Variants in DBF4 observed in about 807,000 individuals in gnomAD.
DBF4 encodes DBF4-CDC7 kinase regulatory subunit.
Under a neutral mutation model 76.6 loss-of-function variants are expected in DBF4, and 25 were observed. The ratio of observed to expected loss-of-function variants is 0.33; its 90% CI spans 0.24 to 0.46. The LOEUF is 0.46. Among genes scored for constraint, DBF4 ranks in the 20% least tolerant of loss-of-function variants. The pLI, the probability that DBF4 is intolerant of heterozygous loss-of-function variation, is 1.00. For missense variants in DBF4, 638 were observed against 760.8 expected (o/e 0.84, Z 1.90); for synonymous variants, 213 against 258.0 (o/e 0.83, Z 1.67).
chr7:87,878,834 A>AT (rs1016329768), intron 2 of DBF4, among the ~76,000 whole-genome samples: 1 of 152,100 alleles, frequency 6.6e-6, no homozygotes, highest in Non-Finnish European at 1.5e-5. Context: ...GGTAATTAAG[A>AT]TTTTTTTCTG....
At chr7:87,886,273 C>T (rs941188912) in intron 3 of DBF4, among the ~76,000 whole-genome samples, 12 of 152,214 alleles carry the variant, frequency 7.9e-5, no homozygotes, top group African/African-American at 2.2e-4. Flanking sequence ...TGGCTCACGC[C>T]TGTAATCCCA....
At chr7:87,894,423 G>A (rs1839575759) in intron 6 of DBF4, among the ~76,000 whole-genome samples, 2 of 152,076 alleles carry the variant, frequency 1.3e-5, no homozygotes, top group African/African-American at 4.8e-5. Context: ...TCATGCCACT[G>A]CTTGCGACAG....
At chr7:87,895,107 T>G (rs528977093) in intron 6 of DBF4, among the ~76,000 whole-genome samples, 79 of 152,340 alleles carry the variant, frequency 5.2e-4, no homozygotes, top group African/African-American at 1.9e-3. Flanking sequence ...TCTATTCATT[T>G]GTCTTGAAGT....
Position 87,900,258 on chromosome 7 carries a change from C to G in DBF4, c.718C>G (p.Pro240Ala). The G allele has an allele frequency of 1.2e-6, 2 of 1,601,386 alleles. No homozygotes were observed. Among genetic ancestry groups the G allele is most frequent in the East Asian group, 2.2e-5 (1 of 44,460 alleles). Reference sequence around the variant, plus strand: ...ATTTTATCTTCAGCTGACCAATATGCCTTTTATAAATTATTCTATTCAGAA... The same window carrying G: ...ATTTTATCTTCAGCTGACCAATATGGCTTTTATAAATTATTCTATTCAGAA... ...RPFYLQLTNM[P>A]FINYSIQKPC... is the part of the protein sequence containing the mutation. The change falls in exon 9 of 12, where the codon CCT becomes GCT. Residue 240 changes from proline to alanine, a missense_variant. Coordinates refer to ENST00000265728, the MANE Select transcript of DBF4 (RefSeq NM_006716.4).
rs1839945585 is a variant in DBF4 at position 87,907,742 on chromosome 7, CAAT to C, written c.1607_1609del (p.Ile536del). ...TTTACTCATGATTCTGGTCTGATAA[CAAT>C]AAACAGTTCACAAGAGCACCTAACT... is the stretch of plus-strand genomic sequence containing the variant. On this transcript the variant is annotated inframe_deletion, in exon 12 of 12. Coordinates refer to ENST00000265728, the MANE Select transcript of DBF4 (RefSeq NM_006716.4). 8 of 1,613,932 alleles carry C rather than the reference CAAT, an allele frequency of 5.0e-6. No homozygotes were observed. The highest frequency in any genetic ancestry group is 6.8e-6 in the Non-Finnish European group (8 of 1,179,964).
chr7:87,887,997 A>G lies in DBF4; in HGVS notation c.535A>G (p.Ile179Val), dbSNP rs1839401220. ...ILHIDDIRYY[I>V]EQKKKELYLL... is the part of the protein sequence containing the mutation. ...TTTTAATAAAGACATTAGATACTACATTGAACAAAAGAAAAAAGAGTTGTA... is the reference window on the plus strand; with the variant it reads ...TTTTAATAAAGACATTAGATACTACGTTGAACAAAAGAAAAAAGAGTTGTA... The change falls in exon 6 of 12, where the codon ATT becomes GTT. Residue 179 changes from isoleucine to valine, a missense_variant. By Grantham distance (29) the Ile-to-Val change is conservative (BLOSUM62 3). Transcript: ENST00000265728. 6.4e-7 allele frequency: 1 copy of G among 1,559,568 alleles called. No homozygotes were observed. Among genetic ancestry groups the G allele is most frequent in the Non-Finnish European group, 8.7e-7 (1 of 1,153,844 alleles).
At chr7:87,889,277 ATTT>A (rs35766740) in intron 6 of DBF4, among the ~76,000 whole-genome samples, 10 of 139,712 alleles carry the variant, frequency 7.2e-5, no homozygotes, top group Admixed American at 2.2e-4. Flanking sequence ...CTCTTGAACA[ATTT>A]TTTTTTTTTT....
chr7:87,895,487 T>G (rs2131063363), intron 6 of DBF4, among the ~76,000 whole-genome samples: 2 of 152,268 alleles, frequency 1.3e-5, no homozygotes, highest in South Asian at 4.1e-4. Flanking sequence ...TGATTTTGTT[T>G]CTGCCATTGT....
At chr7:87,891,626 C>A (rs1333013564) in intron 6 of DBF4, among the ~76,000 whole-genome samples, 1 of 152,076 alleles carries the variant, frequency 6.6e-6, no homozygotes, top group Non-Finnish European at 1.5e-5. Flanking sequence ...GTAATAATGT[C>A]CCCTCTTCCA....
intron 6 of DBF4, among the ~76,000 whole-genome samples, chr7:87,889,895 C>T (rs1839443893): frequency 6.6e-6 from 1 of 152,170 alleles, no homozygotes; most frequent in African/African-American, 2.4e-5. Flanking sequence ...ATTTAAATGA[C>T]TATTTCCAAA....
At chr7:87,894,972 C>A (rs913041287) in intron 6 of DBF4, among the ~76,000 whole-genome samples, 4 of 152,162 alleles carry the variant, frequency 2.6e-5, no homozygotes, top group African/African-American at 9.7e-5. Flanking sequence ...AGTCTCTCCC[C>A]TCTTTTTCCA....
At chr7:87,878,834 A>T (rs1554324240) in intron 2 of DBF4, among the ~76,000 whole-genome samples, 2 of 152,100 alleles carry the variant, frequency 1.3e-5, no homozygotes, top group Non-Finnish European at 2.9e-5. Context: ...GGTAATTAAG[A>T]TTTTTTTCTG....
chr7:87,877,986 TAATGA>T, intron 1 of DBF4, 62 bp from the exon 2 acceptor site: 1 of 1,201,326 alleles, frequency 8.3e-7, no homozygotes, highest in African/African-American at 1.6e-5. Context: ...TAATATTGTA[TAATGA>T]AATATTTTAA....
intron 2 of DBF4, among the ~76,000 whole-genome samples, chr7:87,884,176 G>A (rs1839286374): frequency 6.6e-6 from 1 of 152,104 alleles, no homozygotes; most frequent in South Asian, 2.1e-4. Flanking sequence ...GTCTGCTATG[G>A]TAACCATTAG....
In DBF4 at chr7:87,907,771, G is replaced by C. The variant is rs1287531668; in HGVS notation, c.1633G>C (p.Val545Leu). 3 of 1,614,066 alleles carry C rather than the reference G, an allele frequency of 1.9e-6. No individual in the cohort carries two copies. Among genetic ancestry groups the C allele is most frequent in the Admixed American group, 1.7e-5 (1 of 60,024 alleles). Residue 545 changes from valine (V) to leucine (L), a missense_variant, in exon 12 of 12, where the codon GTT becomes CTT. Transcript: ENST00000265728. ...AAACAGTTCACAAGAGCACCTAACTGTTCAGGCAAAGGCTCCATTCCATAC... is the reference window on the plus strand; with the variant it reads ...AAACAGTTCACAAGAGCACCTAACTCTTCAGGCAAAGGCTCCATTCCATAC... ...TINSSQEHLT[V>L]QAKAPFHTPP...
chr7:87,888,354 A>G (rs1839412398), intron 6 of DBF4: 6 of 970,236 alleles, frequency 6.2e-6, no homozygotes, highest in Non-Finnish European at 7.3e-6. Context: ...AGCCTGTTGT[A>G]TAAACGTTCC....
chr7:87,907,172 T>C lies in DBF4; in HGVS notation c.1050-16T>C, dbSNP rs760176510. Reference sequence around the variant, plus strand: ...AGCAATTATTTTAATATTTTTCTTCTATTTTTCCTACAAAGAATAAAATAC... The same window carrying C: ...AGCAATTATTTTAATATTTTTCTTCCATTTTTCCTACAAAGAATAAAATAC... On this transcript the variant is annotated splice_polypyrimidine_tract_variant and intron_variant, in intron 11 of 11. Coordinates refer to ENST00000265728, the MANE Select transcript of DBF4 (RefSeq NM_006716.4). The C allele has an allele frequency of 6.6e-7, 1 of 1,523,342 alleles. No homozygotes were observed. Among genetic ancestry groups the C allele is most frequent in the Non-Finnish European group, 8.8e-7 (1 of 1,139,768 alleles). The allele number at this position is 1,523,342 out of a possible 1,614,324, so 94.4% of individuals were successfully genotyped here.
chr7:87,906,012 A>G (rs545412655), intron 11 of DBF4, among the ~76,000 whole-genome samples: 48 of 151,998 alleles, frequency 3.2e-4, no homozygotes, highest in African/African-American at 1.2e-3. Flanking sequence ...AAAAAAAAAA[A>G]AATTAGGTGG....
chr7:87,892,385 A>G (rs78905882), intron 6 of DBF4, among the ~76,000 whole-genome samples: 2,457 of 152,236 alleles, frequency 0.016, 34 homozygotes, highest in Middle Eastern at 0.031. Context: ...GGTAATGCTT[A>G]TTTAAGGTTC....
Sources: allele counts gnomAD v4.1 joint callset (sites outside exome capture counted in the v4.1 genomes callset), GRCh38; gene constraint gnomAD v4.1.1; transcripts MANE v1.5; gene names NCBI Gene and HGNC (gene_info 2026-07-23, HGNC 2026-07-21).